GAB2: variants seen among roughly 807,000 people sequenced by gnomAD.
The protein encoded by GAB2 is GRB2 associated binding protein 2.
In GAB2, 26 loss-of-function variants were observed where a neutral mutation model predicts 65.5. The ratio of observed to expected loss-of-function variants is 0.40; its 90% CI spans 0.29 to 0.55. GAB2 has a LOEUF of 0.55. Ranked by LOEUF, GAB2 falls within the 20% of genes least tolerant of loss-of-function variation. GAB2 has a pLI of 0.53. For synonymous variants in GAB2, 321 were observed against 329.6 expected (o/e 0.97, Z 0.28); for missense variants, 884 against 875.8 (o/e 1.01, Z -0.12).
intron 1 of GAB2, among the ~76,000 whole-genome samples, chr11:78,361,867 C>G (rs1403025630): frequency 6.6e-6 from 1 of 150,872 alleles, no homozygotes; most frequent in Non-Finnish European, 1.5e-5. Context: ...AGAAACTTAT[C>G]CTAGAGATAA....
chr11:78,225,941 T>C (rs1864631083), intron 4 of GAB2, among the ~76,000 whole-genome samples: 2 of 152,246 alleles, frequency 1.3e-5, no homozygotes, highest in Admixed American at 6.5e-5. Context: ...CATGCAGAGT[T>C]GGAATACTCT....
At chr11:78,231,336 G>GTGTGTGTGT (rs1554975133) in intron 3 of GAB2, among the ~76,000 whole-genome samples, 19 of 145,898 alleles carry the variant, frequency 1.3e-4, no homozygotes, top group African/African-American at 3.6e-4. Context: ...GCGCGTGTGT[G>GTGTGTGTGT]GTGTGTGTGT....
chr11:78,409,949 TA>T (rs1340589250), intron 1 of GAB2, among the ~76,000 whole-genome samples: 1 of 152,030 alleles, frequency 6.6e-6, no homozygotes, highest in Non-Finnish European at 1.5e-5. Context: ...GAATTCCAAC[TA>T]AAAGACAGAA....
At chr11:78,360,322 A>G (rs1456980248) in intron 1 of GAB2, among the ~76,000 whole-genome samples, 1 of 151,488 alleles carries the variant, frequency 6.6e-6, no homozygotes, top group Non-Finnish European at 1.5e-5. Context: ...TGATCCTAGC[A>G]TTTTGGGAGG....
rs117241245 is a variant in GAB2 at position 78,409,573 on chromosome 11, G to A, written c.75+8073C>T. 1.5e-3 allele frequency among the ~76,000 whole-genome samples: 228 copies of A among 151,812 alleles called. 2 individuals are homozygous for A. The highest frequency in any genetic ancestry group is 2.9e-3 in the South Asian group (14 of 4,806). On this transcript the variant is annotated intron_variant, in intron 1 of 9. Transcript: ENST00000361507. ...CACCTCCAGCCTGGGCAACAACAGC[G>A]GAACTCCATCTCCAAAAAAATAATA...
At chr11:78,380,201 A>G (rs1314212129) in intron 1 of GAB2, among the ~76,000 whole-genome samples, 1 of 132,200 alleles carries the variant, frequency 7.6e-6, no homozygotes, top group African/African-American at 2.9e-5. Flanking sequence ...TGTGAATGAC[A>G]TTGAATGAGA....
chr11:78,332,098 G>A (rs1159973939), intron 1 of GAB2, among the ~76,000 whole-genome samples: 1 of 152,170 alleles, frequency 6.6e-6, no homozygotes, highest in Non-Finnish European at 1.5e-5. Context: ...GCGGGGAACA[G>A]AACAAACCCC....
intron 3 of GAB2, among the ~76,000 whole-genome samples, chr11:78,243,192 G>T (rs1865192166): frequency 6.6e-6 from 1 of 151,988 alleles, no homozygotes; most frequent in Non-Finnish European, 1.5e-5. Context: ...AAAAGGCTGG[G>T]CATGGTGGCT....
At position 78,360,523 on chromosome 11, in the gene GAB2, C is replaced by T. The variant is rs138785950; in HGVS notation, c.75+57123G>A. On this transcript the variant is annotated intron_variant, in intron 1 of 9. Coordinates refer to ENST00000361507, the MANE Select transcript of GAB2 (RefSeq NM_080491.3). ...ATGTGCTGATAAAGAGCTCAAATCT[C>T]CCTAAATGAATTTATTAATTTAACA... Among the ~76,000 whole-genome samples the T allele has an allele frequency of 4.9e-3, 743 of 152,192 alleles. 15 individuals carry two copies. Among genetic ancestry groups the T allele is most frequent in the East Asian group, 0.016 (82 of 5,178 alleles).
chr11:78,250,551 C>T, intron 2 of GAB2, 151 bp from the exon 3 acceptor site: 1 of 695,810 alleles, frequency 1.4e-6, no homozygotes, highest in Non-Finnish European at 2.4e-6. Context: ...CCCTTGCTGC[C>T]CTCCTGGCCA....
chr11:78,409,437 A>T (rs1262602871), intron 1 of GAB2, among the ~76,000 whole-genome samples: 1 of 152,090 alleles, frequency 6.6e-6, no homozygotes, highest in Non-Finnish European at 1.5e-5. Flanking sequence ...ATACAAAATT[A>T]GCCGGGTGTG....
In GAB2 at chr11:78,221,664, C is replaced by T. The variant is rs1356728926; in HGVS notation, c.1761+13G>A. 1 of 1,563,506 alleles carries T rather than the reference C, an allele frequency of 6.4e-7. No individual in the cohort carries two copies. Among genetic ancestry groups the T allele is most frequent in the East Asian group, 2.2e-5 (1 of 44,510 alleles). ...TTGAAAGGCGTCATTCCAGCGAAGCCCGAAGGACTCACCATAGGGACATAG... is the reference window on the plus strand; with the variant it reads ...TTGAAAGGCGTCATTCCAGCGAAGCTCGAAGGACTCACCATAGGGACATAG... On this transcript the variant is annotated intron_variant, in intron 8 of 9. Coordinates refer to ENST00000361507, the MANE Select transcript of GAB2 (RefSeq NM_080491.3).
chr11:78,226,536 C>G lies in GAB2; in HGVS notation c.1136G>C (p.Ser379Thr), dbSNP rs746623056. 2.1e-6 allele frequency: 3 copies of G among 1,462,060 alleles called. No individual in the cohort carries two copies. Among genetic ancestry groups the G allele is most frequent in the Non-Finnish European group, 2.7e-6 (3 of 1,092,228 alleles). The allele number at this position is 1,462,060 out of a possible 1,614,324, so 90.6% of individuals were successfully genotyped here. A position where few individuals can be genotyped will look rare whatever the true frequency, so the allele number is the denominator to read the frequency against. ...GGGGATGGTGGCAGCGACAGATCTGCTATTTTCACTGATTGGCGGTCTCTG... is the reference window on the plus strand; with the variant it reads ...GGGGATGGTGGCAGCGACAGATCTGGTATTTTCACTGATTGGCGGTCTCTG... ...PQQRPPISEN[S>T]RSVAATIPRR... Residue 379 changes from serine to threonine, a missense_variant, in exon 4 of 10, where the codon AGC becomes ACC. Physicochemically the swap from Ser to Thr is moderately conservative, Grantham distance 58. Transcript: ENST00000361507.
In GAB2 at chr11:78,217,396, C is replaced by T. The variant is rs1378983480; in HGVS notation, c.*1876G>A. Reference sequence around the variant, plus strand: ...TAATGCTAGGAGGAGAGGTGCAGCTCTTGAAGAAATAACTTCTTCCAGGAT... The same window carrying T: ...TAATGCTAGGAGGAGAGGTGCAGCTTTTGAAGAAATAACTTCTTCCAGGAT... On this transcript the variant is annotated 3_prime_UTR_variant, in exon 10 of 10. Transcript: ENST00000361507. 1 of 152,200 alleles carries T rather than the reference C, an allele frequency of 6.6e-6. No individual in the cohort carries two copies. Among genetic ancestry groups the T allele is most frequent in the Non-Finnish European group, 1.5e-5 (1 of 68,070 alleles). The allele number at this position is 152,200 out of a possible 1,614,324, so 9.4% of individuals were successfully genotyped here. A position where few individuals can be genotyped will look rare whatever the true frequency, so the allele number is the denominator to read the frequency against.
At chr11:78,370,213 C>T (rs1247814822) in intron 1 of GAB2, among the ~76,000 whole-genome samples, 3 of 148,476 alleles carry the variant, frequency 2.0e-5, no homozygotes, top group Non-Finnish European at 3.0e-5. Context: ...GCTGAGATCC[C>T]GCCACTGCAC....
At chr11:78,361,582 CA>C (rs1332056228) in intron 1 of GAB2, among the ~76,000 whole-genome samples, 1 of 152,134 alleles carries the variant, frequency 6.6e-6, no homozygotes, top group Non-Finnish European at 1.5e-5. Flanking sequence ...GAAAAATAAG[CA>C]AATGTTCACA....
intron 1 of GAB2, among the ~76,000 whole-genome samples, chr11:78,339,247 CTA>C (rs1856054044): frequency 6.6e-6 from 1 of 152,130 alleles, no homozygotes; most frequent in South Asian, 2.1e-4. Context: ...CATGACAAAT[CTA>C]TGACACTCTT....
intron 1 of GAB2, among the ~76,000 whole-genome samples, chr11:78,283,969 A>G (rs1866404474): frequency 6.6e-6 from 1 of 151,974 alleles, no homozygotes; most frequent in African/African-American, 2.4e-5. Context: ...GTGATTCCCA[A>G]ATTTATATCT....
chr11:78,240,493 G>A (rs1590957391), intron 3 of GAB2, among the ~76,000 whole-genome samples: 1 of 151,538 alleles, frequency 6.6e-6, no homozygotes, highest in Admixed American at 6.6e-5. Context: ...CCTAGAGTCT[G>A]AGCTGTTGAG....
Sources: gnomAD v4.1 joint callset for allele counts (sites outside exome capture counted in the v4.1 genomes callset) on GRCh38, gnomAD v4.1.1 for gene constraint, MANE v1.5 for transcripts, NCBI Gene and HGNC (gene_info 2026-07-23, HGNC 2026-07-21) for gene names.